The following DUSP22 variants were observed in gnomAD, a reference collection of about 807,000 sequenced individuals.
DUSP22 encodes dual specificity phosphatase 22.
DUSP22 carries 24 observed loss-of-function variants against 24.5 expected under a neutral mutation model. The ratio of observed to expected loss-of-function variants is 0.98; its 90% confidence interval spans 0.71 to 1.38. The LOEUF (loss-of-function observed/expected upper bound fraction) is 1.38. DUSP22 is among the 40% of genes most tolerant of loss of function. The probability of loss-of-function intolerance (pLI) is 0.00; values close to 1 mark genes in which losing one functional copy is unlikely to be tolerated. For missense variants in DUSP22, 330 were observed against 269.2 expected (o/e 1.23, Z -1.58); for synonymous variants, 160 against 106.4 (o/e 1.50, Z -3.10).
At chr6:314,399 A>T (rs1189808817) in intron 3 of DUSP22, among the ~76,000 whole-genome samples, 2 of 152,294 alleles carry the variant, frequency 1.3e-5, no homozygotes, top group African/African-American at 4.8e-5. Context: ...GTGTCCTGCG[A>T]GCCCTGCTGC....
intron 1 of DUSP22, among the ~76,000 whole-genome samples, chr6:294,087 A>C (rs1327297283): frequency 6.6e-6 from 1 of 152,286 alleles, no homozygotes; most frequent in African/African-American, 2.4e-5. Flanking sequence ...GTATTTGTGT[A>C]ATACAATTCA....
At chr6:298,293 C>A (rs1757431654) in intron 1 of DUSP22, among the ~76,000 whole-genome samples, 1 of 152,302 alleles carries the variant, frequency 6.6e-6, no homozygotes, top group Non-Finnish European at 1.5e-5. Flanking sequence ...TGACATTTAA[C>A]CCTTCAAGGA....
At chr6:301,210 A>C (rs1757566954) in intron 1 of DUSP22, among the ~76,000 whole-genome samples, 1 of 152,268 alleles carries the variant, frequency 6.6e-6, no homozygotes. Context: ...GAAAACCAAT[A>C]AGATAAATGG....
chr6:334,613 C>G (rs1581181254), intron 3 of DUSP22, among the ~76,000 whole-genome samples: 1 of 152,306 alleles, frequency 6.6e-6, no homozygotes, highest in African/African-American at 2.4e-5. Flanking sequence ...CAGGGTAAAG[C>G]TCGTATTGGT....
chr6:344,833 T>C (rs1759778720), intron 4 of DUSP22, among the ~76,000 whole-genome samples: 1 of 152,412 alleles, frequency 6.6e-6, no homozygotes, highest in Admixed American at 6.5e-5. Flanking sequence ...ATTTTCCAGA[T>C]TGCCAGGAGT....
At chr6:314,599 C>A (rs1430497162) in intron 3 of DUSP22, among the ~76,000 whole-genome samples, 1 of 152,310 alleles carries the variant, frequency 6.6e-6, no homozygotes, top group Non-Finnish European at 1.5e-5. Context: ...TGTGGCCATG[C>A]AAGTTTAGAA....
At chr6:328,467 G>A (rs1375959755) in intron 3 of DUSP22, among the ~76,000 whole-genome samples, 1 of 152,306 alleles carries the variant, frequency 6.6e-6, no homozygotes, top group Non-Finnish European at 1.5e-5. Flanking sequence ...TCAAATGCAT[G>A]TCGGTTTTTG....
chr6:306,317 T>TAC (rs1417304646), intron 2 of DUSP22, among the ~76,000 whole-genome samples: 1 of 152,306 alleles, frequency 6.6e-6, no homozygotes, highest in Non-Finnish European at 1.5e-5. Context: ...GACAACAGTA[T>TAC]GTGAGAGTTT....
At chr6:301,238 G>A (rs1254724725) in intron 1 of DUSP22, among the ~76,000 whole-genome samples, 1 of 152,208 alleles carries the variant, frequency 6.6e-6, no homozygotes, top group Non-Finnish European at 1.5e-5. Context: ...AGGGTTTGTG[G>A]TTTTCGAGCA....
At chr6:346,409 A>G (rs1410599376) in intron 5 of DUSP22, among the ~76,000 whole-genome samples, 1 of 152,086 alleles carries the variant, frequency 6.6e-6, no homozygotes, top group African/African-American at 2.4e-5. Context: ...GTCTGTTTGC[A>G]TCCTGCTATA....
chr6:318,513 C>G (rs1446491073), intron 3 of DUSP22, among the ~76,000 whole-genome samples: 1 of 152,252 alleles, frequency 6.6e-6, no homozygotes, highest in Non-Finnish European at 1.5e-5. Flanking sequence ...TAGGTGACCA[C>G]AGCAGGCCTC....
At chr6:293,988 T>TCA (rs533912037) in intron 1 of DUSP22, among the ~76,000 whole-genome samples, 385 of 152,264 alleles carry the variant, frequency 2.5e-3, no homozygotes, top group African/African-American at 8.8e-3. Flanking sequence ...GCCTTCCCAT[T>TCA]GGTGGTGGTA....
chr6:306,606 A>G (rs544247240), intron 2 of DUSP22, among the ~76,000 whole-genome samples: 2 of 152,428 alleles, frequency 1.3e-5, no homozygotes, highest in Admixed American at 6.5e-5. Flanking sequence ...CCAAATATTT[A>G]TTAAACGCTT....
Position 350,086 on chromosome 6 carries a change from G to A in DUSP22, c.*1135G>A, listed in dbSNP as rs538345429. 80 of 985,956 alleles carry A rather than the reference G, an allele frequency of 8.1e-5. No individual in the cohort carries two copies. In the East Asian group the frequency reaches 7.0e-3, roughly 87 times the overall value. 61.1% of individuals were successfully genotyped at this position (985,956 alleles called of 1,614,324 possible). A position where few individuals can be genotyped will look rare whatever the true frequency, so the allele number is the denominator to read the frequency against. ...TTCACTTGGGTTTGATAATTGATCT[G>A]AGCTACCTCATTGAATGTTTTTGGA... On this transcript the variant is annotated 3_prime_UTR_variant, in exon 7 of 7. Transcript: ENST00000419235.
chr6:349,092 A>G lies in DUSP22; in HGVS notation c.*141A>G, dbSNP rs1225943945. ...GGGCGAGGGCTCCTTCCCCCAAGCAACACCGCCCAGCCCTGCTCCAGGCCC... is the reference window on the plus strand; with the variant it reads ...GGGCGAGGGCTCCTTCCCCCAAGCAGCACCGCCCAGCCCTGCTCCAGGCCC... On this transcript the variant is annotated 3_prime_UTR_variant, in exon 7 of 7. Transcript: ENST00000419235. 2 of 1,464,100 alleles carry G rather than the reference A, an allele frequency of 1.4e-6. No homozygotes were observed. Among genetic ancestry groups the G allele is most frequent in the African/African-American group, 2.8e-5 (2 of 71,062 alleles). The allele number at this position is 1,464,100 out of a possible 1,614,324, so 90.7% of individuals were successfully genotyped here.
chr6:340,579 T>C (rs1320804790), intron 4 of DUSP22, among the ~76,000 whole-genome samples: 2 of 152,310 alleles, frequency 1.3e-5, no homozygotes, highest in African/African-American at 4.8e-5. Context: ...TGTATAAAAA[T>C]ATAGATTTCT....
intron 1 of DUSP22, among the ~76,000 whole-genome samples, chr6:304,273 G>A (rs1757716552): frequency 6.6e-6 from 1 of 152,308 alleles, no homozygotes; most frequent in Admixed American, 6.5e-5. Flanking sequence ...CACCGTGTGT[G>A]CAGTGGCCTC....
intron 6 of DUSP22, 53 bp from the exon 7 acceptor site, chr6:348,716 A>G: frequency 1.2e-6 from 2 of 1,609,038 alleles, no homozygotes; most frequent in Non-Finnish European, 1.7e-6. Context: ...GCCCACGTGG[A>G]TGCAGACGTG....
chr6:341,850 C>G (rs1365216865), intron 4 of DUSP22, among the ~76,000 whole-genome samples: 3 of 152,304 alleles, frequency 2.0e-5, no homozygotes, highest in Non-Finnish European at 4.4e-5. Context: ...CCTTCACACG[C>G]CCACTCGGCT....
Sources: gnomAD v4.1 joint callset for allele counts (sites outside exome capture counted in the v4.1 genomes callset) on GRCh38, gnomAD v4.1.1 for gene constraint, MANE v1.5 for transcripts, NCBI Gene and HGNC (gene_info 2026-07-23, HGNC 2026-07-21) for gene names.